The following CCNE1 variants were observed in gnomAD, a reference collection of about 807,000 sequenced individuals.
CCNE1 encodes G1/S-specific cyclin-E1.
CCNE1 carries 8 observed loss-of-function variants against 54.1 expected under a neutral mutation model. That is an observed-to-expected ratio of 0.15 (90% CI 0.09 to 0.27). The LOEUF is 0.27. Among genes scored for constraint, CCNE1 ranks in the 10% least tolerant of loss-of-function variants. The pLI is 1.00. For missense variants in CCNE1, 430 were observed against 514.9 expected, an observed-to-expected ratio of 0.84 and a Z score of 1.60; for synonymous variants, 179 against 185.2, an observed-to-expected ratio of 0.97 and a Z score of 0.27.
In CCNE1 at chr19:29,817,467, G is replaced by T; in HGVS notation, c.388G>T (p.Asp130Tyr). Residue 130 changes from aspartate to tyrosine, a missense_variant, in exon 6 of 12, where the codon GAT becomes TAT. Around this residue, in one of 2 missense-constraint regions of CCNE1, gnomAD observed 303 missense variants for 401.1 expected, o/e 0.76. Transcript: ENST00000262643. ...AAACAAGGAAAAGACATACTTAAGG[G>T]ATCAGCACTTTCTTGAGCAACACCC... ...MLNKEKTYLR[D>Y]QHFLEQHPLL... The T allele has an allele frequency of 1.9e-6, 3 of 1,614,206 alleles. No individual in the cohort carries two copies. The highest frequency in any genetic ancestry group is 2.5e-6 in the Non-Finnish European group (3 of 1,180,038).
chr19:29,816,071 G>T lies in CCNE1; in HGVS notation c.181-1066G>T, dbSNP rs1041651371. 4.6e-5 allele frequency among the ~76,000 whole-genome samples: 7 copies of T among 150,654 alleles called. No individual in the cohort carries two copies. The Admixed American group carries it at 4.7e-4, about 10-fold the overall frequency. ...CTCAGGAGGCTGAGGCAGGAGGATC[G>T]CTTGACCCCAGGAGGCAGAGGTTGT... On this transcript the variant is annotated intron_variant, in intron 4 of 11. Coordinates refer to ENST00000262643, the MANE Select transcript of CCNE1 (RefSeq NM_001238.4).
At chr19:29,816,195 T>A (rs947465675) in intron 4 of CCNE1, among the ~76,000 whole-genome samples, 4 of 151,000 alleles carry the variant, frequency 2.6e-5, no homozygotes, top group Non-Finnish European at 5.9e-5. Context: ...GACTTTCATA[T>A]GGCTTCCATG....
intron 4 of CCNE1, among the ~76,000 whole-genome samples, chr19:29,814,263 G>A (rs1237160716): frequency 1.3e-5 from 2 of 151,974 alleles, no homozygotes; most frequent in Non-Finnish European, 2.9e-5. Flanking sequence ...CTGACTTTGT[G>A]AAATTCAGGA....
At chr19:29,812,854 C>A in intron 3 of CCNE1, 78 bp downstream of exon 3, 5 of 1,581,234 alleles carry the variant, frequency 3.2e-6, no homozygotes, top group Non-Finnish European at 3.5e-6. Context: ...CCTACGGGGG[C>A]GGGGGTCCCT....
In CCNE1 at chr19:29,812,589, G is replaced by C; in HGVS notation, c.23+11G>C. The stretch of plus-strand genomic sequence containing the variant: ...GGAGCGCAGGGAGCGGTGAGTGCCC[G>C]CGCCGCGGGGCCGGACGGGACGGGA... On this transcript the variant is annotated intron_variant, in intron 2 of 11. Coordinates refer to ENST00000262643, the MANE Select transcript of CCNE1 (RefSeq NM_001238.4). 2 of 1,525,566 alleles carry C rather than the reference G, an allele frequency of 1.3e-6. No individual in the cohort carries two copies. The highest frequency in any genetic ancestry group is 1.8e-6 in the Non-Finnish European group (2 of 1,138,938). The allele number at this position is 1,525,566 out of a possible 1,614,324, so 94.5% of individuals were successfully genotyped here.
intron 11 of CCNE1, among the ~76,000 whole-genome samples, chr19:29,823,028 A>G (rs1265154121): frequency 6.6e-6 from 1 of 152,146 alleles, no homozygotes; most frequent in African/African-American, 2.4e-5. Context: ...ATTTTAATTA[A>G]TTGAAAAAGA....
At chr19:29,816,046 C>T (rs565569459) in intron 4 of CCNE1, among the ~76,000 whole-genome samples, 35 of 151,250 alleles carry the variant, frequency 2.3e-4, no homozygotes, top group Non-Finnish European at 4.4e-4. Flanking sequence ...GTCCTAGCTG[C>T]TCAGGAGGCT....
At chr19:29,814,508 G>A (rs1973966131) in intron 4 of CCNE1, among the ~76,000 whole-genome samples, 1 of 152,338 alleles carries the variant, frequency 6.6e-6, no homozygotes, top group South Asian at 2.1e-4. Context: ...CATTTTCGTG[G>A]TTATCCAGAG....
At chr19:29,817,603 A>C (rs2145722685) in intron 6 of CCNE1, 62 bp downstream of exon 6, 1 of 1,576,978 alleles carries the variant, frequency 6.3e-7, no homozygotes, top group African/African-American at 1.3e-5. Context: ...ATTTTTGTGT[A>C]TTAGGACCTC....
intron 6 of CCNE1, 115 bp downstream of exon 6, chr19:29,817,656 A>G (rs1974056326): frequency 2.7e-6 from 3 of 1,109,936 alleles, no homozygotes; most frequent in Non-Finnish European, 4.0e-6. Flanking sequence ...CTCTGAAGCT[A>G]TATGGTATAT....
intron 2 of CCNE1, 27 bp downstream of exon 2, chr19:29,812,605 C>CGGGAA: frequency 6.6e-7 from 1 of 1,521,230 alleles, no homozygotes; most frequent in Non-Finnish European, 8.8e-7. Flanking sequence ...CGGGGCCGGA[C>CGGGAA]GGGACGGGAC....
chr19:29,820,788 T>G lies in CCNE1; in HGVS notation c.549T>G (p.Val183=). Residue 183 remains valine (V), a synonymous_variant, in exon 7 of 12, where the codon GTT becomes GTG. Transcript: ENST00000262643. ...GGTATATGGCGACACAAGAAAATGT[T>G]GTAAAAACTCTTTTACAGCTTATTG... ...FDRYMATQEN[V]VKTLLQLIGI... 1 of 1,608,346 alleles carries G rather than the reference T, an allele frequency of 6.2e-7. No individual in the cohort carries two copies. The highest frequency in any genetic ancestry group is 8.5e-7 in the Non-Finnish European group (1 of 1,175,796).
At chr19:29,820,652 T>A in intron 6 of CCNE1, 50 bp from the exon 7 acceptor site, 2 of 1,300,834 alleles carry the variant, frequency 1.5e-6, no homozygotes, top group Non-Finnish European at 2.2e-6. Flanking sequence ...TTTTTTCCCC[T>A]CCCTCAAGTA....
chr19:29,817,168 C>T lies in CCNE1; in HGVS notation c.212C>T (p.Pro71Leu). 6.2e-7 allele frequency: 1 copy of T among 1,614,116 alleles called. No individual in the cohort carries two copies. The highest frequency in any genetic ancestry group is 8.5e-7 in the Non-Finnish European group (1 of 1,180,026). Residue 71 changes from proline to leucine, a missense_variant, in exon 5 of 12, where the codon CCC becomes CTC. This residue lies in a region of CCNE1 where 127 missense variants were observed against 113.8 expected (regional missense o/e 1.12). Coordinates refer to ENST00000262643, the MANE Select transcript of CCNE1 (RefSeq NM_001238.4). ...PWDNNAVCADPCSLIPTPDKE... is the reference protein window; with the variant it reads ...PWDNNAVCADLCSLIPTPDKE... ...GACAATAATGCAGTCTGTGCAGACCCCTGCTCCCTGATCCCCACACCTGAC... is the reference window on the plus strand; with the variant it reads ...GACAATAATGCAGTCTGTGCAGACCTCTGCTCCCTGATCCCCACACCTGAC...
intron 6 of CCNE1, among the ~76,000 whole-genome samples, chr19:29,819,826 A>AG: frequency 6.6e-6 from 1 of 152,344 alleles, no homozygotes; most frequent in East Asian, 1.9e-4. Context: ...CATCTCAGGC[A>AG]GACCTGCTTC....
Position 29,812,195 on chromosome 19 carries a change from C to G in CCNE1, c.-25+43C>G, listed in dbSNP as rs547691380. On this transcript the variant is annotated intron_variant, in intron 1 of 11. Transcript: ENST00000262643. ...GGCTGCGGACAGGGACTCCTGGGGC[C>G]CAGACCGCGCCGGGGAGCTGGGTGG... 3 of 152,076 alleles carry G rather than the reference C, an allele frequency of 2.0e-5. No individual in the cohort carries two copies. The South Asian group carries it at 5.6e-4, about 28-fold the overall frequency. 9.4% of individuals were successfully genotyped at this position (152,076 alleles called of 1,614,324 possible). A position where few individuals can be genotyped will look rare whatever the true frequency, so the allele number is the denominator to read the frequency against.
At chr19:29,818,218 G>C (rs187194853) in intron 6 of CCNE1, among the ~76,000 whole-genome samples, 29 of 152,224 alleles carry the variant, frequency 1.9e-4, no homozygotes, top group African/African-American at 6.5e-4. Flanking sequence ...AGTAGAAATG[G>C]GGTTTCACCG....
In CCNE1 at chr19:29,814,428, G is replaced by C. The variant is rs572086608; in HGVS notation, c.180+1391G>C. 2.6e-5 allele frequency among the ~76,000 whole-genome samples: 4 copies of C among 152,282 alleles called. No individual in the cohort carries two copies. In the South Asian group the frequency reaches 8.3e-4, roughly 32 times the overall value. On this transcript the variant is annotated intron_variant, in intron 4 of 11. Transcript: ENST00000262643. ...GAGGGTGCCTCCTGGGACGGATTGT[G>C]GCTCTGTCCCCTGGCCACAGTGTGG...
chr19:29,812,475 G>C, intron 1 of CCNE1, 57 bp from the exon 2 acceptor site: 1 of 1,158,566 alleles, frequency 8.6e-7, no homozygotes, highest in Non-Finnish European at 1.1e-6. Flanking sequence ...AAAGGGGGAA[G>C]GGGTACTGGG....
Sources: gnomAD v4.1 joint callset for allele counts (sites outside exome capture counted in the v4.1 genomes callset) on GRCh38, gnomAD v4.1.1 for gene constraint, gnomAD v4.1.1 regional missense constraint, MANE v1.5 for transcripts, NCBI Gene and HGNC (gene_info 2026-07-23, HGNC 2026-07-21) for gene names.